PARD3: variants seen among roughly 807,000 people sequenced by gnomAD.
The protein encoded by PARD3 is partitioning defective 3 homolog.
In PARD3, 75 loss-of-function variants were observed where a neutral mutation model predicts 155.4. The ratio of observed to expected loss-of-function variants is 0.48; its 90% CI spans 0.40 to 0.58. The LOEUF (loss-of-function observed/expected upper bound fraction) is 0.58, where lower values mean the gene tolerates loss of function less well. Ranked by LOEUF, PARD3 falls within the 20% of genes least tolerant of loss-of-function variation. The probability of loss-of-function intolerance (pLI) is 0.00; values close to 1 mark genes in which losing one functional copy is unlikely to be tolerated. For missense variants in PARD3, 1,642 were observed against 1,721.7 expected (o/e 0.95, Z 0.82); for synonymous variants, 576 against 610.5 (o/e 0.94, Z 0.83).
intron 22 of PARD3, among the ~76,000 whole-genome samples, chr10:34,144,748 T>C (rs1383540922): frequency 1.3e-5 from 2 of 152,228 alleles, no homozygotes; most frequent in South Asian, 4.1e-4. Flanking sequence ...ATCTTCCCAA[T>C]ATAATTATAG....
intron 2 of PARD3, among the ~76,000 whole-genome samples, chr10:34,575,658 G>A (rs1248195033): frequency 6.6e-6 from 1 of 152,178 alleles, no homozygotes; most frequent in African/African-American, 2.4e-5. Flanking sequence ...CACTTTGGGA[G>A]GCCAAGGTGG....
chr10:34,265,759 T>C (rs1462933036), intron 22 of PARD3, among the ~76,000 whole-genome samples: 1 of 152,214 alleles, frequency 6.6e-6, no homozygotes, highest in East Asian at 1.9e-4. Flanking sequence ...TTTACACACA[T>C]GAAGGCACGA....
intron 1 of PARD3, among the ~76,000 whole-genome samples, chr10:34,781,580 T>C (rs185744255): frequency 8.7e-4 from 132 of 152,348 alleles, no homozygotes; most frequent in African/African-American, 3.1e-3. Flanking sequence ...GACAGCTGGA[T>C]CTGATTCTCT....
chr10:34,134,240 G>A (rs1169842456), intron 22 of PARD3, among the ~76,000 whole-genome samples: 2 of 152,184 alleles, frequency 1.3e-5, no homozygotes, highest in Admixed American at 6.5e-5. Context: ...AAAAGAGACA[G>A]GAAAGTGGGC....
At chr10:34,118,492 G>C (rs1363616492) in intron 24 of PARD3, among the ~76,000 whole-genome samples, 3 of 152,162 alleles carry the variant, frequency 2.0e-5, no homozygotes, top group African/African-American at 7.2e-5. Context: ...TTACAGGCAT[G>C]TGCCACCAAG....
intron 22 of PARD3, among the ~76,000 whole-genome samples, chr10:34,240,565 C>A (rs1953517462): frequency 6.6e-6 from 1 of 152,074 alleles, no homozygotes; most frequent in Non-Finnish European, 1.5e-5. Context: ...ATAGCAAAAT[C>A]TTTGACAGAC....
chr10:34,363,296 T>C (rs1484816180), intron 12 of PARD3, among the ~76,000 whole-genome samples: 1 of 148,312 alleles, frequency 6.7e-6, no homozygotes, highest in Non-Finnish European at 1.5e-5. Context: ...GAACCTGTTT[T>C]AAAGAAGAGC....
chr10:34,431,819 G>A (rs1223567356), intron 5 of PARD3, among the ~76,000 whole-genome samples: 1 of 149,574 alleles, frequency 6.7e-6, no homozygotes, highest in Non-Finnish European at 1.5e-5. Context: ...GGAGGCCGAG[G>A]CGGGTGGATC....
chr10:34,579,324 A>G (rs1299136146), intron 2 of PARD3, among the ~76,000 whole-genome samples: 1 of 151,610 alleles, frequency 6.6e-6, no homozygotes, highest in Non-Finnish European at 1.5e-5. Flanking sequence ...CATCCTTTTC[A>G]ATAAACCCCA....
At chr10:34,701,852 T>C (rs2094286195) in intron 1 of PARD3, among the ~76,000 whole-genome samples, 1 of 152,056 alleles carries the variant, frequency 6.6e-6, no homozygotes, top group Non-Finnish European at 1.5e-5. Flanking sequence ...AGTGAGCTTG[T>C]CTCTAAAATA....
rs72784170 is a variant in PARD3 at position 34,158,356 on chromosome 10, T to C, written c.3420-26773A>G. On this transcript the variant is annotated intron_variant, in intron 22 of 24. Coordinates refer to ENST00000374788, the MANE Select transcript of PARD3 (RefSeq NM_001184785.2). ...AATCTTCTGAAGTCATCTCTTTCCA[T>C]TTCTTCTCTCTTTGGCATCTCCACT... Among the ~76,000 whole-genome samples the C allele has an allele frequency of 1.2e-3, 183 of 152,358 alleles. 1 individual carries two copies. Among genetic ancestry groups the C allele is most frequent in the Admixed American group, 2.2e-3 (34 of 15,312 alleles).
intron 22 of PARD3, among the ~76,000 whole-genome samples, chr10:34,213,661 T>C (rs1210340968): frequency 1.3e-5 from 2 of 152,138 alleles, no homozygotes; most frequent in African/African-American, 4.8e-5. Context: ...GAGAGAGGCC[T>C]TCAAAGGGCT....
At chr10:34,183,503 G>A (rs921525770) in intron 22 of PARD3, among the ~76,000 whole-genome samples, 1 of 152,190 alleles carries the variant, frequency 6.6e-6, no homozygotes, top group African/African-American at 2.4e-5. Flanking sequence ...CACAAATGCA[G>A]GCGAGTAGAA....
At chr10:34,248,627 T>C (rs533095281) in intron 22 of PARD3, among the ~76,000 whole-genome samples, 15 of 152,300 alleles carry the variant, frequency 9.8e-5, no homozygotes, top group African/African-American at 3.4e-4. Flanking sequence ...CAATGCCTCA[T>C]GCTCTGTCTA....
intron 5 of PARD3, among the ~76,000 whole-genome samples, chr10:34,408,419 T>TA (rs2132273439): frequency 6.6e-6 from 1 of 152,322 alleles, no homozygotes; most frequent in Non-Finnish European, 1.5e-5. Context: ...TGTTAACTAT[T>TA]AGTGAGCTAT....
chr10:34,640,442 C>A (rs2047034451), intron 2 of PARD3, among the ~76,000 whole-genome samples: 1 of 151,994 alleles, frequency 6.6e-6, no homozygotes, highest in Non-Finnish European at 1.5e-5. Flanking sequence ...CATGGTGAAA[C>A]CCTGTCTCTA....
intron 5 of PARD3, among the ~76,000 whole-genome samples, chr10:34,417,025 T>C (rs1278280147): frequency 6.6e-6 from 1 of 152,218 alleles, no homozygotes; most frequent in Non-Finnish European, 1.5e-5. Flanking sequence ...CAACAGATCC[T>C]GTGGTCCCAC....
chr10:34,696,550 T>G, intron 1 of PARD3, 131 bp from the exon 2 acceptor site: 2 of 654,670 alleles, frequency 3.1e-6, no homozygotes, highest in Non-Finnish European at 5.4e-6. Flanking sequence ...TGCAACTGAT[T>G]AAAAATTCAG....
intron 2 of PARD3, among the ~76,000 whole-genome samples, chr10:34,693,744 T>A (rs1161240752): frequency 6.6e-6 from 1 of 152,098 alleles, no homozygotes; most frequent in Non-Finnish European, 1.5e-5. Context: ...GGCAGGAGGA[T>A]CACTTGAACC....
Sources: allele counts gnomAD v4.1 joint callset (sites outside exome capture counted in the v4.1 genomes callset), GRCh38; gene constraint gnomAD v4.1.1; transcripts MANE v1.5; gene names NCBI Gene and HGNC (gene_info 2026-07-23, HGNC 2026-07-21).